Variants in GRIK4 observed in about 807,000 individuals in gnomAD.
GRIK4 encodes the protein glutamate receptor ionotropic, kainate 4.
Under a neutral mutation model 104.9 loss-of-function variants are expected in GRIK4, and 40 were observed. The observed-to-expected ratio is 0.38, with a 90% confidence interval of 0.30 to 0.50. The LOEUF (loss-of-function observed/expected upper bound fraction) is 0.50, where lower values mean the gene tolerates loss of function less well. Among genes scored for constraint, GRIK4 ranks in the 20% least tolerant of loss-of-function variants. GRIK4 has a pLI of 0.93. For missense variants in GRIK4, 1,047 were observed against 1,308.1 expected (o/e 0.80, Z 3.08); for synonymous variants, 485 against 524.9 (o/e 0.92, Z 1.04).
At chr11:120,803,830 T>C (rs918762702) in intron 4 of GRIK4, among the ~76,000 whole-genome samples, 1 of 152,372 alleles carries the variant, frequency 6.6e-6, no homozygotes, top group East Asian at 1.9e-4. Context: ...GTCACACATA[T>C]GGAGCCCCTA....
intron 1 of GRIK4, among the ~76,000 whole-genome samples, chr11:120,613,708 G>A (rs1228888899): frequency 6.6e-6 from 1 of 152,214 alleles, no homozygotes; most frequent in East Asian, 1.9e-4. Flanking sequence ...TGATTGGAAG[G>A]TGGCTCCAGG....
chr11:120,842,578 C>G (rs1953744357), intron 8 of GRIK4, among the ~76,000 whole-genome samples: 1 of 152,242 alleles, frequency 6.6e-6, no homozygotes, highest in Non-Finnish European at 1.5e-5. Flanking sequence ...ATCCCAAGCC[C>G]TGGCTTGTCT....
intron 3 of GRIK4, among the ~76,000 whole-genome samples, chr11:120,748,188 C>A (rs1289318822): frequency 1.3e-5 from 2 of 151,968 alleles, no homozygotes; most frequent in African/African-American, 4.8e-5. Context: ...ACAGGTTAAA[C>A]CCTCCTCTCT....
At position 120,686,758 on chromosome 11, in the gene GRIK4, A is replaced by T. The variant is rs180926990; in HGVS notation, c.82+26358A>T. On this transcript the variant is annotated intron_variant, in intron 3 of 20. Coordinates refer to ENST00000527524, the MANE Select transcript of GRIK4 (RefSeq NM_014619.5). ...GATTATGTTTTATCGGCATACATTA[A>T]TATGAGCTTGCATTCCATGAGCATA... Among the ~76,000 whole-genome samples, 68 of 152,348 alleles carry T rather than the reference A, an allele frequency of 4.5e-4. No individual in the cohort carries two copies. In the East Asian group the frequency reaches 8.7e-3, roughly 19 times the overall value.
At chr11:120,613,686 T>C (rs941584180) in intron 1 of GRIK4, among the ~76,000 whole-genome samples, 2 of 152,208 alleles carry the variant, frequency 1.3e-5, no homozygotes, top group African/African-American at 4.8e-5. Context: ...CAAAATGCTG[T>C]GATTCTATCC....
intron 8 of GRIK4, among the ~76,000 whole-genome samples, chr11:120,860,668 C>G (rs1445109161): frequency 6.6e-6 from 1 of 152,234 alleles, no homozygotes; most frequent in East Asian, 1.9e-4. Flanking sequence ...GTGTGTCTCT[C>G]TCATCCATAT....
intron 1 of GRIK4, among the ~76,000 whole-genome samples, chr11:120,518,429 A>G (rs1437456031): frequency 2.0e-5 from 3 of 151,986 alleles, no homozygotes; most frequent in Non-Finnish European, 4.4e-5. Context: ...AAGGATGGGG[A>G]TTTGGGAGGC....
chr11:120,601,770 G>A (rs993033918), intron 1 of GRIK4, among the ~76,000 whole-genome samples: 2 of 151,718 alleles, frequency 1.3e-5, no homozygotes, highest in African/African-American at 4.8e-5. Context: ...AAGTGACTGA[G>A]TTTGGGGTGA....
At chr11:120,778,038 G>T (rs1014114823) in intron 3 of GRIK4, among the ~76,000 whole-genome samples, 1 of 152,126 alleles carries the variant, frequency 6.6e-6, no homozygotes, top group Non-Finnish European at 1.5e-5. Flanking sequence ...AGGCCTTGCC[G>T]CTCAGGTGAC....
chr11:120,818,326 A>T (rs6589845), intron 5 of GRIK4, among the ~76,000 whole-genome samples: 72,852 of 152,108 alleles, frequency 0.48, 18,414 homozygotes, highest in African/African-American at 0.65. Flanking sequence ...TATCTTGCCC[A>T]TTTGTGACCT....
intron 19 of GRIK4, among the ~76,000 whole-genome samples, chr11:120,968,191 G>GT (rs1205234949): frequency 6.6e-6 from 1 of 152,140 alleles, no homozygotes; most frequent in Non-Finnish European, 1.5e-5. Context: ...AGTGTTGACG[G>GT]TCCCTGAGCA....
intron 13 of GRIK4, among the ~76,000 whole-genome samples, chr11:120,918,936 A>C (rs1452022891): frequency 6.6e-6 from 1 of 152,192 alleles, no homozygotes; most frequent in African/African-American, 2.4e-5. Flanking sequence ...TACGTGATAA[A>C]TATTATTATT....
chr11:120,564,353 G>A (rs528207027), intron 1 of GRIK4: 1 of 152,290 alleles, frequency 6.6e-6, no homozygotes, highest in South Asian at 2.1e-4. Flanking sequence ...CTCGCGGGGA[G>A]GGGGCTCGGG....
At chr11:120,855,579 T>C (rs1043454283) in intron 8 of GRIK4, among the ~76,000 whole-genome samples, 4 of 143,200 alleles carry the variant, frequency 2.8e-5, no homozygotes, top group Non-Finnish European at 6.1e-5. Context: ...TTTTTTTTTT[T>C]CGAGACAGAG....
intron 3 of GRIK4, among the ~76,000 whole-genome samples, chr11:120,679,483 G>A (rs915610722): frequency 3.3e-5 from 5 of 152,238 alleles, no homozygotes; most frequent in Non-Finnish European, 7.3e-5. Context: ...GGTCCCTGGA[G>A]CATGGCCCAT....
chr11:120,616,678 C>T (rs554664807), intron 1 of GRIK4, among the ~76,000 whole-genome samples: 5 of 152,280 alleles, frequency 3.3e-5, no homozygotes, highest in African/African-American at 4.8e-5. Context: ...CCAAAGGTGT[C>T]GGAAAACCAA....
At chr11:120,592,653 C>T (rs1465280470) in intron 1 of GRIK4, among the ~76,000 whole-genome samples, 2 of 152,162 alleles carry the variant, frequency 1.3e-5, no homozygotes, top group Admixed American at 1.3e-4. Context: ...CCACACCCTC[C>T]CTCTGAGCGC....
At chr11:120,521,824 T>C (rs2136074282) in intron 1 of GRIK4, among the ~76,000 whole-genome samples, 2 of 152,338 alleles carry the variant, frequency 1.3e-5, no homozygotes, top group Middle Eastern at 6.8e-3. Context: ...GCATTTGACG[T>C]CCTACCTGAG....
At chr11:120,696,149 A>C (rs1950445491) in intron 3 of GRIK4, among the ~76,000 whole-genome samples, 1 of 152,064 alleles carries the variant, frequency 6.6e-6, no homozygotes, top group South Asian at 2.1e-4. Context: ...AACAATATCT[A>C]ATTGACTATT....
Sources: allele counts gnomAD v4.1 joint callset (sites outside exome capture counted in the v4.1 genomes callset), GRCh38; gene constraint gnomAD v4.1.1; transcripts MANE v1.5; gene names NCBI Gene and HGNC (gene_info 2026-07-23, HGNC 2026-07-21).